Variants in MAP3K19 observed in about 807,000 individuals in gnomAD.
MAP3K19 encodes the protein mitogen-activated protein kinase kinase kinase 19.
Under a neutral mutation model 114.4 loss-of-function variants are expected in MAP3K19, and 91 were observed. The ratio of observed to expected loss-of-function variants is 0.80; its 90% CI spans 0.67 to 0.95. The LOEUF (loss-of-function observed/expected upper bound fraction) is 0.95. Ranked by LOEUF, MAP3K19 falls within the 40% of genes least tolerant of loss-of-function variation. The probability of loss-of-function intolerance (pLI) is 0.00; values close to 1 mark genes in which losing one functional copy is unlikely to be tolerated. For missense variants in MAP3K19, 1,471 were observed against 1,573.2 expected (o/e 0.94, Z 1.10); for synonymous variants, 518 against 530.5 (o/e 0.98, Z 0.32).
At chr2:135,013,762 C>T (rs1465937614) in intron 5 of MAP3K19, among the ~76,000 whole-genome samples, 3 of 152,114 alleles carry the variant, frequency 2.0e-5, no homozygotes, top group African/African-American at 7.2e-5. Flanking sequence ...CTCCCTGCCC[C>T]CACCCCAATC....
intron 8 of MAP3K19, among the ~76,000 whole-genome samples, 198 bp downstream of exon 8, chr2:134,998,540 T>C (rs2105288176): frequency 6.6e-6 from 1 of 152,322 alleles, no homozygotes; most frequent in Non-Finnish European, 1.5e-5. Context: ...CATTATGCCA[T>C]CCTTCATTTT....
At chr2:135,037,125 T>C (rs1688548930) in intron 2 of MAP3K19, among the ~76,000 whole-genome samples, 1 of 152,134 alleles carries the variant, frequency 6.6e-6, no homozygotes. Flanking sequence ...GCCTCTGTAG[T>C]AGCTGAGATT....
Position 134,991,434 on chromosome 2 carries a change from T to A in MAP3K19, c.618+103A>T, listed in dbSNP as rs572007905. The A allele has an allele frequency of 4.7e-5, 45 of 966,880 alleles. No homozygotes were observed. In the African/African-American group the frequency reaches 6.7e-4, roughly 14 times the overall value. 59.9% of individuals were successfully genotyped at this position (966,880 alleles called of 1,614,324 possible). On this transcript the variant is annotated intron_variant, in intron 9 of 12. Coordinates refer to ENST00000392915, the MANE Select transcript of MAP3K19 (RefSeq NM_025052.5). ...GACATCAGTGACCCTACCCCCTGCA[T>A]TGTTGAAGGGTCAAGTGTAATTGCT... is the stretch of plus-strand genomic sequence containing the variant.
In MAP3K19 at chr2:135,023,821, G is replaced by A. The variant is rs144221786; in HGVS notation, c.22+805C>T. On this transcript the variant is annotated intron_variant, in intron 4 of 12. Transcript: ENST00000392915. ...CTTTTCCCTCAGATGTAGCCAACAC[G>A]ATAGGAACAGGTTAATATTCCTAAA... 1.4e-4 allele frequency among the ~76,000 whole-genome samples: 22 copies of A among 152,048 alleles called. No homozygotes were observed. In the East Asian group the frequency reaches 3.5e-3, roughly 24 times the overall value.
chr2:135,023,287 C>T, intron 4 of MAP3K19: 30 of 344,812 alleles, frequency 8.7e-5, no homozygotes, highest in Non-Finnish European at 1.1e-4. Context: ...TCTGATTCTC[C>T]TCCTCCTCTC....
At chr2:134,980,698 T>A in intron 12 of MAP3K19, 123 bp downstream of exon 12, 1 of 825,620 alleles carries the variant, frequency 1.2e-6, no homozygotes, top group Non-Finnish European at 1.9e-6. Context: ...CGGCACAAAA[T>A]CACTGTCTAC....
intron 5 of MAP3K19, among the ~76,000 whole-genome samples, chr2:135,016,164 G>A (rs911403998): frequency 6.6e-6 from 1 of 152,214 alleles, no homozygotes; most frequent in Admixed American, 6.5e-5. Flanking sequence ...GACTGAAGCA[G>A]GAGTTTTGCT....
chr2:135,015,137 A>G (rs1190719158), intron 5 of MAP3K19, among the ~76,000 whole-genome samples: 1 of 152,230 alleles, frequency 6.6e-6, no homozygotes, highest in Non-Finnish European at 1.5e-5. Flanking sequence ...TTTCTAAATT[A>G]TTCTAACAGT....
At chr2:134,983,903 C>A in intron 10 of MAP3K19, 78 bp from the exon 11 acceptor site, 1 of 1,011,118 alleles carries the variant, frequency 9.9e-7, no homozygotes, top group South Asian at 1.8e-5. Context: ...AGAGTAAAGT[C>A]TTCTTTTCAA....
intron 12 of MAP3K19, among the ~76,000 whole-genome samples, chr2:134,966,839 T>C (rs1327362977): frequency 6.6e-6 from 1 of 152,124 alleles, no homozygotes; most frequent in Non-Finnish European, 1.5e-5. Context: ...GGGAGGACAG[T>C]GGACCTGTTC....
At chr2:134,984,917 G>A (rs1405983054) in intron 10 of MAP3K19, among the ~76,000 whole-genome samples, 5 of 152,070 alleles carry the variant, frequency 3.3e-5, no homozygotes, top group South Asian at 4.1e-4. Context: ...GCAGCACTGC[G>A]CTCCAGCCTG....
At position 135,025,770 on chromosome 2, in the gene MAP3K19, C is replaced by A. The variant is rs374777179; in HGVS notation, c.-94-1029G>T. On this transcript the variant is annotated intron_variant, in intron 3 of 12. Coordinates refer to ENST00000392915, the MANE Select transcript of MAP3K19 (RefSeq NM_025052.5). Reference sequence around the variant, plus strand: ...GATCTTAGGACCATTTACAACAGAACAAGTCTCTTCTTATCCTCTCTATTA... The same window carrying A: ...GATCTTAGGACCATTTACAACAGAAAAAGTCTCTTCTTATCCTCTCTATTA... Among the ~76,000 whole-genome samples, 33 of 151,992 alleles carry A rather than the reference C, an allele frequency of 2.2e-4. No individual in the cohort carries two copies. The South Asian group carries it at 5.8e-3, about 27-fold the overall frequency.
At position 135,030,494 on chromosome 2, in the gene MAP3K19, C is replaced by T. The variant is rs1397638701; in HGVS notation, c.-277G>A. 1.3e-5 allele frequency: 2 copies of T among 152,558 alleles called. No homozygotes were observed. The highest frequency in any genetic ancestry group is 2.9e-5 in the Non-Finnish European group (2 of 68,034). 9.5% of individuals were successfully genotyped at this position (152,558 alleles called of 1,614,324 possible). On this transcript the variant is annotated 5_prime_UTR_variant, in exon 3 of 13. Coordinates refer to ENST00000392915, the MANE Select transcript of MAP3K19 (RefSeq NM_025052.5). ...TCTACTCACTTTTCCAGAAGAAATC[C>T]AACAACCTGCAAAATGACACAGTCT...
At chr2:135,045,718 C>T (rs1688728877) in intron 1 of MAP3K19, among the ~76,000 whole-genome samples, 1 of 152,016 alleles carries the variant, frequency 6.6e-6, no homozygotes, top group South Asian at 2.1e-4. Context: ...TAAAATAAAA[C>T]AAAAAAATTT....
intron 8 of MAP3K19, among the ~76,000 whole-genome samples, chr2:134,995,689 G>C (rs1265750930): frequency 6.6e-6 from 1 of 152,144 alleles, no homozygotes; most frequent in Non-Finnish European, 1.5e-5. Flanking sequence ...AAAAGGAGAG[G>C]AAATGTAATC....
intron 9 of MAP3K19, 104 bp from the exon 10 acceptor site, chr2:134,988,357 G>T: frequency 1.0e-6 from 1 of 974,692 alleles, no homozygotes; most frequent in Non-Finnish European, 1.4e-6. Flanking sequence ...CTTAAGGAAG[G>T]CTTTTAAAGT....
intron 5 of MAP3K19, among the ~76,000 whole-genome samples, chr2:135,016,624 T>A (rs562923046): frequency 6.6e-6 from 1 of 152,150 alleles, no homozygotes; most frequent in Non-Finnish European, 1.5e-5. Context: ...AAAAGTAAAT[T>A]TTCCAATCCA....
At chr2:134,983,332 C>T (rs781499979) in intron 11 of MAP3K19, 16 of 561,042 alleles carry the variant, frequency 2.9e-5, no homozygotes, top group Middle Eastern at 3.0e-4. Context: ...GGACTTGAAC[C>T]TGGGAGGATG....
At position 134,998,869 on chromosome 2, in the gene MAP3K19, C is replaced by T; in HGVS notation, c.443G>A (p.Ser148Asn). The T allele has an allele frequency of 8.1e-6, 13 of 1,614,198 alleles. No individual in the cohort carries two copies. The highest frequency in any genetic ancestry group is 1.0e-5 in the Non-Finnish European group (12 of 1,180,028). Residue 148 changes from serine (S) to asparagine (N), a missense_variant, in exon 8 of 13, where the codon AGT (serine) becomes AAT (asparagine). Coordinates refer to ENST00000392915, the MANE Select transcript of MAP3K19 (RefSeq NM_025052.5). The stretch of plus-strand genomic sequence containing the variant: ...GTTCACATTGCAGAGCTCCCTGGAA[C>T]TTTCCTCTTTTTGCAAAACTAAGGG... ...MRPLVLQKEE[S>N]SRELCNVNLG...
Sources: gnomAD v4.1 joint callset for allele counts (sites outside exome capture counted in the v4.1 genomes callset) on GRCh38, gnomAD v4.1.1 for gene constraint, MANE v1.5 for transcripts, NCBI Gene and HGNC (gene_info 2026-07-23, HGNC 2026-07-21) for gene names.